The following MATN2 variants were observed in gnomAD, a reference collection of about 807,000 sequenced individuals.
The protein encoded by MATN2 is matrilin-2.
In MATN2, 69 loss-of-function variants were observed where a neutral mutation model predicts 103.2. The ratio of observed to expected loss-of-function variants is 0.67; its 90% CI spans 0.55 to 0.82. The LOEUF (loss-of-function observed/expected upper bound fraction) is 0.82. Ranked by LOEUF, MATN2 falls within the 40% of genes least tolerant of loss-of-function variation. The pLI, the probability that MATN2 is intolerant of heterozygous loss-of-function variation, is 0.00. For missense variants in MATN2, 1,023 were observed against 1,211.5 expected, an observed-to-expected ratio of 0.84 and a Z score of 2.31; for synonymous variants, 429 against 450.2, an observed-to-expected ratio of 0.95 and a Z score of 0.60.
intron 1 of MATN2, among the ~76,000 whole-genome samples, chr8:97,870,656 A>G (rs1440852772): frequency 2.0e-5 from 3 of 152,256 alleles, no homozygotes; most frequent in African/African-American, 7.2e-5. Flanking sequence ...CCTCTTCCCC[A>G]GTTCAGAAAG....
intron 2 of MATN2, among the ~76,000 whole-genome samples, chr8:97,913,572 C>T (rs1809522638): frequency 6.7e-6 from 1 of 148,274 alleles, no homozygotes; most frequent in Non-Finnish European, 1.5e-5. Flanking sequence ...TCCTCGGCCT[C>T]TCAGAGTGCT....
At chr8:97,969,304 A>C (rs1293116781) in intron 5 of MATN2, among the ~76,000 whole-genome samples, 4 of 152,246 alleles carry the variant, frequency 2.6e-5, no homozygotes, top group Admixed American at 1.3e-4. Context: ...GGGCACAAAC[A>C]TCCAGACCGT....
chr8:97,938,430 G>A (rs1810451372), intron 3 of MATN2, among the ~76,000 whole-genome samples: 1 of 152,182 alleles, frequency 6.6e-6, no homozygotes, highest in South Asian at 2.1e-4. Context: ...GTCTTGGAAG[G>A]CAATCAGGCC....
chr8:97,917,988 G>A (rs1262396330), intron 2 of MATN2, among the ~76,000 whole-genome samples: 1 of 152,110 alleles, frequency 6.6e-6, no homozygotes, highest in African/African-American at 2.4e-5. Context: ...TGGAGGCTAC[G>A]TTGGGAGGAT....
rs1175459821 is a variant in MATN2, at chr8:97,982,021, T to A, written c.1081+3013T>A. The stretch of plus-strand genomic sequence containing the variant: ...AGTTGTCAGAATCAAGATCCAGAAG[T>A]GGGCCGCCCCAATGCGTGTGCAGGG... On this transcript the variant is annotated intron_variant, in intron 6 of 18. Coordinates refer to ENST00000254898, the MANE Select transcript of MATN2 (RefSeq NM_002380.5). This position sits in a 1 kb window ranked among gnomAD's most constrained non-coding sequence, Gnocchi z 4.3. 1.3e-5 allele frequency among the ~76,000 whole-genome samples: 2 copies of A among 152,148 alleles called. No homozygotes were observed. Among genetic ancestry groups the A allele is most frequent in the Non-Finnish European group, 2.9e-5 (2 of 68,012 alleles).
At position 98,007,464 on chromosome 8, in the gene MATN2, CT is replaced by C. The variant is rs1217652345; in HGVS notation, c.1451-11del. ...GTCTCACTGATAAAGGGCTGCCTGGCTTTTGGTTTTGCAGGGGTGGATTACT... is the reference window on the plus strand; with the variant it reads ...GTCTCACTGATAAAGGGCTGCCTGGCTTTGGTTTTGCAGGGGTGGATTACT... On this transcript the variant is annotated splice_polypyrimidine_tract_variant and intron_variant, in intron 9 of 18. Coordinates refer to ENST00000254898, the MANE Select transcript of MATN2 (RefSeq NM_002380.5). The surrounding 1 kb of genome is among the most constrained non-coding windows in gnomAD (Gnocchi z 4.2). The C allele has an allele frequency of 3.7e-6, 6 of 1,606,200 alleles. No individual in the cohort carries two copies. The highest frequency in any genetic ancestry group is 5.1e-6 in the Non-Finnish European group (6 of 1,173,348).
chr8:98,034,778 T>C (rs527383831), intron 18 of MATN2, among the ~76,000 whole-genome samples: 1 of 152,312 alleles, frequency 6.6e-6, no homozygotes, highest in South Asian at 2.1e-4. Context: ...TGCTTCTGAC[T>C]TCATATCTTA....
At chr8:97,948,468 C>G (rs1279185306) in intron 4 of MATN2, among the ~76,000 whole-genome samples, 1 of 152,126 alleles carries the variant, frequency 6.6e-6, no homozygotes, top group African/African-American at 2.4e-5. Flanking sequence ...CAACAGTAAT[C>G]AAGACAGTGT....
At chr8:97,927,228 C>G (rs1406915554) in intron 2 of MATN2, among the ~76,000 whole-genome samples, 2 of 152,204 alleles carry the variant, frequency 1.3e-5, no homozygotes, top group African/African-American at 2.4e-5. Flanking sequence ...ACAGCAACCT[C>G]CAGCTCCCAG....
intron 2 of MATN2, among the ~76,000 whole-genome samples, chr8:97,894,329 T>C (rs1431023356): frequency 6.8e-6 from 1 of 147,524 alleles, no homozygotes; most frequent in Non-Finnish European, 1.5e-5. Flanking sequence ...TCACCTTTTT[T>C]TTTTTTTTTT....
intron 1 of MATN2, among the ~76,000 whole-genome samples, chr8:97,880,292 G>T (rs571823808): frequency 2.0e-5 from 3 of 152,078 alleles, no homozygotes; most frequent in South Asian, 2.1e-4. Flanking sequence ...GGAATTAAAA[G>T]AAATTAAAGA....
At position 98,027,396 on chromosome 8, in the gene MATN2, C is replaced by T. The variant is rs1174523523; in HGVS notation, c.1943-20C>T. On this transcript the variant is annotated intron_variant, in intron 13 of 18. Coordinates refer to ENST00000254898, the MANE Select transcript of MATN2 (RefSeq NM_002380.5). ...ATGATTTTTTATTCAACTATGTCAA[C>T]TTTCCTTCTGTTCATATAGAATGCA... is the stretch of plus-strand genomic sequence containing the variant. 7.1e-6 allele frequency: 11 copies of T among 1,557,098 alleles called. No individual in the cohort carries two copies. The highest frequency in any genetic ancestry group is 9.6e-6 in the Non-Finnish European group (11 of 1,147,618).
In MATN2 at chr8:98,027,421, A is replaced by G. The variant is rs1488748059; in HGVS notation, c.1948A>G (p.Thr650Ala). The change falls in exon 14 of 19, where the codon ACT (threonine) becomes GCT (alanine). Residue 650 changes from threonine (T) to alanine (A), a missense_variant. Transcript: ENST00000254898. ...AEDGRRCKKC[T>A]EGPIDLVFVI... ...CTTTCCTTCTGTTCATATAGAATGC[A>G]CTGAAGGCCCAATTGACCTGGTCTT... 2 of 1,601,274 alleles carry G rather than the reference A, an allele frequency of 1.2e-6. No homozygotes were observed. Among genetic ancestry groups the G allele is most frequent in the East Asian group, 2.2e-5 (1 of 44,468 alleles).
Position 97,956,142 on chromosome 8 carries a change from G to T in MATN2, c.836-5266G>T, listed in dbSNP as rs1342609339. On this transcript the variant is annotated intron_variant, in intron 4 of 18. Coordinates refer to ENST00000254898, the MANE Select transcript of MATN2 (RefSeq NM_002380.5). The stretch of plus-strand genomic sequence containing the variant: ...CTGCAGAGCAGGGCTATCCTTATAG[G>T]CAGAGAGTAGGTAGTAGCTCAGGGC... Among the ~76,000 whole-genome samples, 6 of 152,174 alleles carry T rather than the reference G, an allele frequency of 3.9e-5. No homozygotes were observed. In the East Asian group the frequency reaches 1.2e-3, roughly 29 times the overall value.
chr8:97,977,049 C>T (rs1586113749), intron 5 of MATN2, among the ~76,000 whole-genome samples: 1 of 151,566 alleles, frequency 6.6e-6, no homozygotes, highest in Non-Finnish European at 1.5e-5. Flanking sequence ...CAGCCTGGCC[C>T]ACATGGTGAA....
At chr8:98,015,995 T>C (rs1813344812) in intron 10 of MATN2, among the ~76,000 whole-genome samples, 1 of 152,230 alleles carries the variant, frequency 6.6e-6, no homozygotes, top group Admixed American at 6.5e-5. Flanking sequence ...GTTAGGTTAA[T>C]CTTATTTTCT....
rs374221169 is a variant in MATN2, at chr8:97,931,302, C to G, written c.492C>G (p.Val164=). ...CCCTGAGGGAGAATGTGCCACGGGTCATAATGATCGTGACAGATGGGAGAC... is the reference window on the plus strand; with the variant it reads ...CCCTGAGGGAGAATGTGCCACGGGTGATAATGATCGTGACAGATGGGAGAC... ...ARPLRENVPR[V]IMIVTDGRPQ... Residue 164 remains valine, a synonymous_variant, in exon 3 of 19, where the codon GTC becomes GTG. Transcript: ENST00000254898. The surrounding 1 kb of genome is among the most constrained non-coding windows in gnomAD (Gnocchi z 4.1). 15 of 1,613,900 alleles carry G rather than the reference C, an allele frequency of 9.3e-6. No individual in the cohort carries two copies. In the African/African-American group the frequency reaches 1.9e-4, roughly 20 times the overall value.
chr8:97,915,464 A>C (rs1809591044), intron 2 of MATN2, among the ~76,000 whole-genome samples: 1 of 152,206 alleles, frequency 6.6e-6, no homozygotes, highest in Non-Finnish European at 1.5e-5. Context: ...TTGTCTCCGA[A>C]GACAAACTTT....
chr8:97,905,858 A>C (rs1192885191), intron 2 of MATN2, among the ~76,000 whole-genome samples: 2 of 152,074 alleles, frequency 1.3e-5, no homozygotes, highest in African/African-American at 4.8e-5. Context: ...ACAGGGTTTC[A>C]TCATGTTGCC....
Sources: gnomAD v4.1 joint callset for allele counts (sites outside exome capture counted in the v4.1 genomes callset) on GRCh38, gnomAD v4.1.1 for gene constraint, Gnocchi (gnomAD v3.1) non-coding constraint, MANE v1.5 for transcripts, NCBI Gene and HGNC (gene_info 2026-07-23, HGNC 2026-07-21) for gene names.